LPAR1: variants seen among roughly 807,000 people sequenced by gnomAD.
LPAR1 encodes LPA receptor 1.
A neutral mutation model predicts 23.8 loss-of-function variants in LPAR1; 5 were observed. That is an observed-to-expected ratio of 0.21 (90% CI 0.11 to 0.44). LPAR1 has a LOEUF of 0.44. LPAR1 is among the 20% of genes least tolerant of loss of function. LPAR1 has a pLI of 0.99. For missense variants in LPAR1, 311 were observed against 482.8 expected (o/e 0.64, Z 3.33); for synonymous variants, 160 against 164.7 (o/e 0.97, Z 0.22).
At chr9:110,911,616 A>T (rs928694115) in intron 5 of LPAR1, among the ~76,000 whole-genome samples, 1 of 152,200 alleles carries the variant, frequency 6.6e-6, no homozygotes, top group African/African-American at 2.4e-5. Flanking sequence ...ATTTAAGAAA[A>T]AATATTTTCA....
At chr9:111,011,307 T>C (rs1448904494) in intron 2 of LPAR1, among the ~76,000 whole-genome samples, 1 of 152,238 alleles carries the variant, frequency 6.6e-6, no homozygotes, top group Non-Finnish European at 1.5e-5. Flanking sequence ...GGTCTAGTTC[T>C]ACATCTTATC....
chr9:110,988,450 A>C (rs1281806322), intron 2 of LPAR1, among the ~76,000 whole-genome samples: 1 of 152,144 alleles, frequency 6.6e-6, no homozygotes, highest in African/African-American at 2.4e-5. Context: ...GAACTCCTGC[A>C]ATTCAATAAT....
Position 110,877,523 on chromosome 9 carries a change from G to GA in LPAR1, c.794-1802dup, listed in dbSNP as rs1321408115. 1.1e-4 allele frequency among the ~76,000 whole-genome samples: 17 copies of GA among 152,202 alleles called. No homozygotes were observed. The East Asian group carries it at 3.3e-3, about 29-fold the overall frequency. Reference sequence around the variant, plus strand: ...ATCACTCAGAAAGCTAAACATAAAGGAAAATCAAAGGAATGCCTCTTGGGT... The same window carrying GA: ...ATCACTCAGAAAGCTAAACATAAAGGAAAAATCAAAGGAATGCCTCTTGGGT... On this transcript the variant is annotated intron_variant, in intron 5 of 5. Coordinates refer to ENST00000683809, the MANE Select transcript of LPAR1 (RefSeq NM_001351411.2).
At chr9:110,913,997 G>T (rs931908880) in intron 5 of LPAR1, among the ~76,000 whole-genome samples, 3 of 152,138 alleles carry the variant, frequency 2.0e-5, no homozygotes, top group African/African-American at 7.2e-5. Context: ...TTTGGCAGGC[G>T]ATTTGGGACA....
rs570522613 is a variant in LPAR1 at position 111,026,211 on chromosome 9, G to C, written c.-182+9911C>G. 3.9e-5 allele frequency among the ~76,000 whole-genome samples: 6 copies of C among 152,092 alleles called. No homozygotes were observed. In the South Asian group the frequency reaches 1.0e-3, roughly 26 times the overall value. ...GTCGTCTCTTGTTTCCTTGAGCACT[G>C]GTTTGTAGTTCTCCTTGAAGACATC... On this transcript the variant is annotated intron_variant, in intron 2 of 5. Coordinates refer to ENST00000683809, the MANE Select transcript of LPAR1 (RefSeq NM_001351411.2).
intron 2 of LPAR1, among the ~76,000 whole-genome samples, chr9:111,007,569 A>G (rs2097245392): frequency 6.6e-6 from 1 of 152,186 alleles, no homozygotes; most frequent in African/African-American, 2.4e-5. Context: ...TTTTAAAAAT[A>G]AAATGCCATT....
chr9:111,004,615 C>T (rs1323694834), intron 2 of LPAR1, among the ~76,000 whole-genome samples: 1 of 152,166 alleles, frequency 6.6e-6, no homozygotes, highest in Admixed American at 6.6e-5. Flanking sequence ...CAACACCATG[C>T]TCCCTTGATT....
At chr9:110,934,687 A>G (rs2094582464) in intron 5 of LPAR1, among the ~76,000 whole-genome samples, 1 of 152,184 alleles carries the variant, frequency 6.6e-6, no homozygotes. Flanking sequence ...CTTGGAAATC[A>G]AATTGGTCAC....
intron 4 of LPAR1, among the ~76,000 whole-genome samples, chr9:110,954,195 G>A (rs2095660870): frequency 6.6e-6 from 1 of 152,032 alleles, no homozygotes; most frequent in Non-Finnish European, 1.5e-5. Flanking sequence ...TTCAACAACA[G>A]ACAACAGACA....
intron 5 of LPAR1, among the ~76,000 whole-genome samples, chr9:110,920,856 C>T (rs935553295): frequency 6.6e-6 from 1 of 152,204 alleles, no homozygotes; most frequent in African/African-American, 2.4e-5. Flanking sequence ...GGCACAGTGG[C>T]CCATGCCTGT....
chr9:110,935,827 T>C (rs925672137), intron 5 of LPAR1, among the ~76,000 whole-genome samples: 1 of 152,236 alleles, frequency 6.6e-6, no homozygotes, highest in African/African-American at 2.4e-5. Flanking sequence ...CATTTGATCT[T>C]GGGGAACCCT....
rs1363704584 is a variant in LPAR1 at position 110,874,272 on chromosome 9, TA to T, written c.*1148del. 1 of 152,560 alleles carries T rather than the reference TA, an allele frequency of 6.6e-6. No individual in the cohort carries two copies. Among genetic ancestry groups the T allele is most frequent in the African/African-American group, 2.4e-5 (1 of 41,436 alleles). The allele number at this position is 152,560 out of a possible 1,614,324, so 9.5% of individuals were successfully genotyped here. On this transcript the variant is annotated 3_prime_UTR_variant, in exon 6 of 6. Coordinates refer to ENST00000683809, the MANE Select transcript of LPAR1 (RefSeq NM_001351411.2). ...GTTAAATAAACTGAGTTGCATCCAT[TA>T]AATGGAATATAATATAGCCATTAAA...
At chr9:111,002,110 G>A (rs1189742301) in intron 2 of LPAR1, among the ~76,000 whole-genome samples, 2 of 152,102 alleles carry the variant, frequency 1.3e-5, no homozygotes. Context: ...AATAACAGTG[G>A]TTTTTTAAAG....
At position 110,949,832 on chromosome 9, in the gene LPAR1, A is replaced by G. The variant is rs534571575; in HGVS notation, c.46-7664T>C. 2.6e-4 allele frequency among the ~76,000 whole-genome samples: 39 copies of G among 152,332 alleles called. No individual in the cohort carries two copies. In the South Asian group the frequency reaches 8.1e-3, roughly 32 times the overall value. ...ATATGACTAAATGGGTTGTATGTAT[A>G]TCAATTTCTTACGACTAAATAGGGT... is the stretch of plus-strand genomic sequence containing the variant. On this transcript the variant is annotated intron_variant, in intron 4 of 5. Transcript: ENST00000683809.
At chr9:110,932,754 G>A (rs868700693) in intron 5 of LPAR1, among the ~76,000 whole-genome samples, 6 of 152,228 alleles carry the variant, frequency 3.9e-5, no homozygotes, top group African/African-American at 1.4e-4. Flanking sequence ...TAGATTGCGT[G>A]CTTCTTATGA....
intron 5 of LPAR1, among the ~76,000 whole-genome samples, chr9:110,890,993 G>A (rs73655656): frequency 0.016 from 2,495 of 152,202 alleles, 61 homozygotes; most frequent in African/African-American, 0.055. Flanking sequence ...ATTTAACAAC[G>A]ATATACTAGA....
At chr9:110,928,356 G>A (rs770260616) in intron 5 of LPAR1, among the ~76,000 whole-genome samples, 33 of 152,110 alleles carry the variant, frequency 2.2e-4, no homozygotes, top group Middle Eastern at 6.3e-3. Context: ...TTCTATTAAT[G>A]TTACTATCTC....
intron 4 of LPAR1, among the ~76,000 whole-genome samples, chr9:110,951,008 T>C (rs942059975): frequency 2.0e-5 from 3 of 152,110 alleles, no homozygotes; most frequent in Non-Finnish European, 4.4e-5. Context: ...GATATTGGCA[T>C]AGAAATACAT....
In LPAR1 at chr9:110,875,195, A is replaced by G. The variant is rs1339958030; in HGVS notation, c.*226T>C. ...TCCATTGCAAGAGCTCCAACTTCCT[A>G]CTTTCAGAAGGGATGGGGATCAAGA... On this transcript the variant is annotated 3_prime_UTR_variant, in exon 6 of 6. Coordinates refer to ENST00000683809, the MANE Select transcript of LPAR1 (RefSeq NM_001351411.2). The G allele has an allele frequency of 2.3e-6, 1 of 432,996 alleles. No homozygotes were observed. Among genetic ancestry groups the G allele is most frequent in the Non-Finnish European group, 4.1e-6 (1 of 244,588 alleles). 26.8% of individuals were successfully genotyped at this position (432,996 alleles called of 1,614,324 possible).
Sources: gnomAD v4.1 joint callset for allele counts (sites outside exome capture counted in the v4.1 genomes callset) on GRCh38, gnomAD v4.1.1 for gene constraint, MANE v1.5 for transcripts, NCBI Gene and HGNC (gene_info 2026-07-23, HGNC 2026-07-21) for gene names.